The following CHID1 variants were observed in gnomAD, a reference collection of about 807,000 sequenced individuals.
CHID1 encodes the protein chitinase domain-containing protein 1.
CHID1 carries 44 observed loss-of-function variants against 55.4 expected under a neutral mutation model. The observed-to-expected ratio is 0.79, with a 90% CI of 0.62 to 1.02. The LOEUF is 1.02. Among genes scored for constraint, CHID1 ranks in the 50% least tolerant of loss-of-function variants. CHID1 has a pLI of 0.00. For synonymous variants in CHID1, 216 were observed against 212.9 expected, an observed-to-expected ratio of 1.01 and a Z score of -0.13; for missense variants, 491 against 515.3, an observed-to-expected ratio of 0.95 and a Z score of 0.46.
At chr11:873,478 G>A (rs1006370202) in intron 10 of CHID1, among the ~76,000 whole-genome samples, 15 of 152,242 alleles carry the variant, frequency 9.9e-5, no homozygotes, top group African/African-American at 3.1e-4. Flanking sequence ...AGTGGGGAGC[G>A]AGCGAGGGGC....
rs1852620207 is a variant in CHID1 at position 910,792 on chromosome 11, C to G, written c.-61G>C. On this transcript the variant is annotated 5_prime_UTR_variant, in exon 1 of 13. Coordinates refer to ENST00000323578, the MANE Select transcript of CHID1 (RefSeq NM_023947.4). ...GGGCTCACCTGCATGTCAGGGAGGC[C>G]GGACGGCCACAAACGCACGGCCGGA... 4 of 1,119,274 alleles carry G rather than the reference C, an allele frequency of 3.6e-6. No individual in the cohort carries two copies. The highest frequency in any genetic ancestry group is 4.4e-6 in the Non-Finnish European group (4 of 907,948). The allele number at this position is 1,119,274 out of a possible 1,614,324, so 69.3% of individuals were successfully genotyped here. A position where few individuals can be genotyped will look rare whatever the true frequency, so the allele number is the denominator to read the frequency against.
intron 1 of CHID1, among the ~76,000 whole-genome samples, chr11:909,714 GAACT>G (rs757464152): frequency 2.0e-5 from 3 of 152,234 alleles, no homozygotes; most frequent in African/African-American, 4.8e-5. Flanking sequence ...GTGTTTTGAA[GAACT>G]AACTGGTGCA....
At chr11:902,121 C>A in intron 4 of CHID1, 77 bp downstream of exon 4, 1 of 1,568,476 alleles carries the variant, frequency 6.4e-7, no homozygotes, top group Non-Finnish European at 8.8e-7. Context: ...CCTACTCACA[C>A]ACACACACCC....
At chr11:870,048 C>T in intron 12 of CHID1, 73 bp downstream of exon 12, 1 of 1,605,254 alleles carries the variant, frequency 6.2e-7, no homozygotes, top group South Asian at 1.1e-5. Context: ...ACCGCCTGGA[C>T]CCCAGGCCAG....
chr11:882,901 C>T, intron 10 of CHID1: 2 of 457,282 alleles, frequency 4.4e-6, no homozygotes, highest in South Asian at 3.0e-5. Context: ...GCCTCAGTCC[C>T]AGCCTCACGC....
Position 870,414 on chromosome 11 carries a change from C to G in CHID1, c.1040+5G>C. 1 of 1,607,944 alleles carries G rather than the reference C, an allele frequency of 6.2e-7. No homozygotes were observed. The highest frequency in any genetic ancestry group is 1.7e-5 in the Admixed American group (1 of 59,706). On this transcript the variant is annotated splice_donor_5th_base_variant and intron_variant, in intron 11 of 12. Transcript: ENST00000323578. ...AAGGTGGGCCACGCACTTCAAAACA[C>G]TCACTTCTTGTACTCGAAGAAGTGC...
In CHID1 at chr11:884,103, G is replaced by A. The variant is rs754573713; in HGVS notation, c.768C>T (p.Phe256=). ...FEQLAPVLDG[F]SLMTYDYSTA... is the part of the protein sequence containing the mutation. ...TAGAGTAGTCGTAGGTCATGAGGCT[G>A]AAACCATCCAGCACGGGGGCCAGCT... The change falls in exon 9 of 13, where the codon TTC becomes TTT. Residue 256 remains phenylalanine, a synonymous_variant. Transcript: ENST00000323578. 6.2e-7 allele frequency: 1 copy of A among 1,614,162 alleles called. No individual in the cohort carries two copies. Among genetic ancestry groups the A allele is most frequent in the Non-Finnish European group, 8.5e-7 (1 of 1,179,996 alleles).
chr11:871,213 G>C (rs1193466867), intron 10 of CHID1, among the ~76,000 whole-genome samples: 2 of 152,010 alleles, frequency 1.3e-5, no homozygotes, highest in Non-Finnish European at 2.9e-5. Context: ...AGCTGGTCTC[G>C]AACTCCTGAC....
At chr11:870,817 C>A in intron 10 of CHID1, 1 of 300,084 alleles carries the variant, frequency 3.3e-6, no homozygotes. Context: ...GGCCGCGCAG[C>A]GGCTGCTGGA....
At position 910,807 on chromosome 11, in the gene CHID1, G is replaced by C. The variant is rs1230394922; in HGVS notation, c.-76C>G. On this transcript the variant is annotated 5_prime_UTR_variant, in exon 1 of 13. Coordinates refer to ENST00000323578, the MANE Select transcript of CHID1 (RefSeq NM_023947.4). ...TCAGGGAGGCCGGACGGCCACAAAC[G>C]CACGGCCGGAAAACGCTCCAGCGCG... 13 of 1,108,314 alleles carry C rather than the reference G, an allele frequency of 1.2e-5. No homozygotes were observed. Among genetic ancestry groups the C allele is most frequent in the Non-Finnish European group, 1.4e-5 (13 of 902,206 alleles). The allele number at this position is 1,108,314 out of a possible 1,614,324, so 68.7% of individuals were successfully genotyped here.
chr11:898,304 T>G (rs1282090113), intron 7 of CHID1, among the ~76,000 whole-genome samples: 1 of 151,972 alleles, frequency 6.6e-6, no homozygotes, highest in Non-Finnish European at 1.5e-5. Context: ...CCATGCAGCC[T>G]GAGCTCAGGC....
At chr11:890,141 T>C (rs896499708) in intron 8 of CHID1, among the ~76,000 whole-genome samples, 1 of 152,228 alleles carries the variant, frequency 6.6e-6, no homozygotes, top group African/African-American at 2.4e-5. Flanking sequence ...GCTCCCTGAC[T>C]GGCCGGTTAG....
intron 7 of CHID1, among the ~76,000 whole-genome samples, chr11:898,033 G>C (rs1322489719): frequency 6.6e-6 from 1 of 152,214 alleles, no homozygotes; most frequent in Non-Finnish European, 1.5e-5. Context: ...TCAGAGCACA[G>C]TGGGAGGAGC....
Position 868,066 on chromosome 11 carries a change from T to A in CHID1, c.*1792A>T, listed in dbSNP as rs748520821. The A allele has an allele frequency of 4.7e-5, 7 of 150,504 alleles. No individual in the cohort carries two copies. Among genetic ancestry groups the A allele is most frequent in the Non-Finnish European group, 8.9e-5 (6 of 67,660 alleles). The allele number at this position is 150,504 out of a possible 1,614,324, so 9.3% of individuals were successfully genotyped here. A position where few individuals can be genotyped will look rare whatever the true frequency, so the allele number is the denominator to read the frequency against. ...CGGGAGACACAGCCCGCTCTAGACA[T>A]CCCATCCTGTGTGGCATCCCCACCC... is the stretch of plus-strand genomic sequence containing the variant. On this transcript the variant is annotated 3_prime_UTR_variant, in exon 13 of 13. Transcript: ENST00000323578.
rs143057189 is a variant in CHID1, at chr11:870,316, G to C, written c.1040+103C>G. On this transcript the variant is annotated intron_variant, in intron 11 of 12. Transcript: ENST00000323578. The stretch of plus-strand genomic sequence containing the variant: ...AGGGCCGGGAGCAGCAAGTGAGCTC[G>C]TGACCCTGAGACCCCCTGGGCCCTG... 325 of 1,340,208 alleles carry C rather than the reference G, an allele frequency of 2.4e-4. 1 individual carries two copies. In the East Asian group the frequency reaches 7.4e-3, roughly 31 times the overall value. 83.0% of individuals were successfully genotyped at this position (1,340,208 alleles called of 1,614,324 possible). A position where few individuals can be genotyped will look rare whatever the true frequency, so the allele number is the denominator to read the frequency against.
At chr11:914,746 C>T, upstream of CHID1, 3 of 348,636 alleles carry the variant, frequency 8.6e-6, no homozygotes, top group South Asian at 6.6e-5. Context: ...ATTACTCACA[C>T]CTGGTTGTTG....
At chr11:888,852 G>T (rs1358277194) in intron 8 of CHID1, among the ~76,000 whole-genome samples, 1 of 151,692 alleles carries the variant, frequency 6.6e-6, no homozygotes, top group Non-Finnish European at 1.5e-5. Flanking sequence ...CTGCCCACTC[G>T]GCCTCGACTG....
chr11:883,979 T>G, intron 9 of CHID1, 89 bp downstream of exon 9: 1 of 1,008,592 alleles, frequency 9.9e-7, no homozygotes, highest in East Asian at 2.4e-5. Context: ...CAAGAGGGCA[T>G]CAGCTGTGCC....
intron 10 of CHID1, among the ~76,000 whole-genome samples, chr11:878,371 A>T (rs896339325): frequency 1.3e-5 from 2 of 152,072 alleles, no homozygotes; most frequent in African/African-American, 4.8e-5. Context: ...CTGAGATCAC[A>T]CCACTGCACT....
Sources: allele counts gnomAD v4.1 joint callset (sites outside exome capture counted in the v4.1 genomes callset), GRCh38; gene constraint gnomAD v4.1.1; transcripts MANE v1.5; gene names NCBI Gene and HGNC (gene_info 2026-07-23, HGNC 2026-07-21).